The following ZRANB3 variants were observed in gnomAD, a reference collection of about 807,000 sequenced individuals.
ZRANB3 encodes the protein zinc finger RANBP2-type containing 3, also known as DNA annealing helicase and endonuclease ZRANB3.
In ZRANB3, 125 loss-of-function variants were observed where a neutral mutation model predicts 133.8. The ratio of observed to expected loss-of-function variants is 0.93; its 90% CI spans 0.81 to 1.08. The LOEUF is 1.08. ZRANB3 is among the 50% of genes least tolerant of loss of function. The pLI is 0.00. For synonymous variants in ZRANB3, 387 were observed against 432.7 expected (o/e 0.89, Z 1.31); for missense variants, 1,229 against 1,275.5 (o/e 0.96, Z 0.56).
At chr2:135,418,274 T>C (rs184844973) in intron 2 of ZRANB3, among the ~76,000 whole-genome samples, 10 of 152,324 alleles carry the variant, frequency 6.6e-5, no homozygotes, top group Admixed American at 5.9e-4. Flanking sequence ...GCAAATACTA[T>C]GCCATTTTAC....
chr2:135,234,919 G>A (rs1695216488), intron 12 of ZRANB3, among the ~76,000 whole-genome samples: 1 of 152,000 alleles, frequency 6.6e-6, no homozygotes, highest in African/African-American at 2.4e-5. Flanking sequence ...GCCAGCAGAA[G>A]GCAAGAAATA....
chr2:135,280,475 G>A (rs1263813964), intron 8 of ZRANB3, among the ~76,000 whole-genome samples: 1 of 152,100 alleles, frequency 6.6e-6, no homozygotes, highest in Non-Finnish European at 1.5e-5. Flanking sequence ...GCTGAGGCAG[G>A]AGAATCATTT....
chr2:135,261,264 T>C (rs927218300), intron 12 of ZRANB3, among the ~76,000 whole-genome samples: 4 of 152,160 alleles, frequency 2.6e-5, no homozygotes, highest in Non-Finnish European at 5.9e-5. Flanking sequence ...ATTCTGGCAA[T>C]GTTCAGAAGA....
chr2:135,333,117 C>T (rs1285949543), intron 6 of ZRANB3, among the ~76,000 whole-genome samples: 1 of 152,144 alleles, frequency 6.6e-6, no homozygotes, highest in Non-Finnish European at 1.5e-5. Context: ...TGTTAACAAT[C>T]CTACCACACT....
chr2:135,482,446 T>C (rs1162797000), intron 2 of ZRANB3, among the ~76,000 whole-genome samples: 2 of 149,380 alleles, frequency 1.3e-5, no homozygotes, highest in East Asian at 3.9e-4. Flanking sequence ...AGAATGCTTG[T>C]GATTTTTGTA....
At chr2:135,324,767 C>A (rs529754149) in intron 6 of ZRANB3, among the ~76,000 whole-genome samples, 1 of 152,054 alleles carries the variant, frequency 6.6e-6, no homozygotes, top group Non-Finnish European at 1.5e-5. Context: ...TTTTAATGAT[C>A]GCCATTCTAA....
intron 10 of ZRANB3, among the ~76,000 whole-genome samples, chr2:135,269,577 C>G (rs1680414195): frequency 6.6e-6 from 1 of 152,178 alleles, no homozygotes; most frequent in South Asian, 2.1e-4. Context: ...AACAACGTCT[C>G]TGGTTATACT....
chr2:135,486,252 C>T (rs1303684312), intron 2 of ZRANB3, among the ~76,000 whole-genome samples: 2 of 152,136 alleles, frequency 1.3e-5, no homozygotes, highest in African/African-American at 4.8e-5. Flanking sequence ...GAAATCAATA[C>T]TCTCCAACCT....
Position 135,198,000 on chromosome 2 carries a change from TCTTGCAGCTTCTC to T in ZRANB3, c.*2329_*2341del, listed in dbSNP as rs1235091613. On this transcript the variant is annotated 3_prime_UTR_variant, in exon 21 of 21. Coordinates refer to ENST00000264159, the MANE Select transcript of ZRANB3 (RefSeq NM_032143.4). The stretch of plus-strand genomic sequence containing the variant: ...TGTTGTTTTCTTAGCCTAAACTGTA[TCTTGCAGCTTCTC>T]TGAGTCTTTTCAGAGCCAGGCCTAT... 4.6e-5 allele frequency: 7 copies of T among 152,288 alleles called. No individual in the cohort carries two copies. The highest frequency in any genetic ancestry group is 1.7e-4 in the African/African-American group (7 of 41,436). 9.4% of individuals were successfully genotyped at this position (152,288 alleles called of 1,614,324 possible).
chr2:135,481,479 A>C (rs1270658441), intron 2 of ZRANB3, among the ~76,000 whole-genome samples: 2 of 151,882 alleles, frequency 1.3e-5, no homozygotes, highest in African/African-American at 4.8e-5. Context: ...TTTTTCTTGT[A>C]AATTTGTTTG....
At chr2:135,313,960 G>A (rs955240537) in intron 7 of ZRANB3, among the ~76,000 whole-genome samples, 49 of 152,298 alleles carry the variant, frequency 3.2e-4, no homozygotes, top group South Asian at 1.7e-3. Context: ...CGCCTCCCGG[G>A]TTCAAGCGAT....
intron 12 of ZRANB3, among the ~76,000 whole-genome samples, chr2:135,243,268 C>A (rs1049199871): frequency 3.3e-5 from 5 of 152,214 alleles, no homozygotes; most frequent in African/African-American, 1.2e-4. Flanking sequence ...GTAATCCCAG[C>A]ACTTTGGGAG....
intron 1 of ZRANB3, among the ~76,000 whole-genome samples, chr2:135,508,706 A>C (rs1394142090): frequency 6.6e-6 from 1 of 152,156 alleles, no homozygotes; most frequent in Non-Finnish European, 1.5e-5. Flanking sequence ...TGTTAATCCT[A>C]AAAATAATTT....
chr2:135,215,906 C>T (rs963758831), intron 17 of ZRANB3, among the ~76,000 whole-genome samples: 1 of 152,124 alleles, frequency 6.6e-6, no homozygotes, highest in African/African-American at 2.4e-5. Context: ...CTAGTCACAT[C>T]CCTTACTTGA....
chr2:135,394,003 G>A (rs1425118861), intron 2 of ZRANB3, among the ~76,000 whole-genome samples: 2 of 151,728 alleles, frequency 1.3e-5, no homozygotes, highest in South Asian at 2.1e-4. Flanking sequence ...GTAAACAGGC[G>A]CCCGCCACCA....
chr2:135,420,876 T>C (rs1435890838), intron 2 of ZRANB3, among the ~76,000 whole-genome samples: 1 of 152,196 alleles, frequency 6.6e-6, no homozygotes, highest in Non-Finnish European at 1.5e-5. Flanking sequence ...TTCAGTTCTA[T>C]GGGTCTTCAG....
At chr2:135,250,971 C>A (rs567588793) in intron 12 of ZRANB3, among the ~76,000 whole-genome samples, 10 of 152,300 alleles carry the variant, frequency 6.6e-5, no homozygotes, top group Middle Eastern at 3.4e-3. Flanking sequence ...CAGCCTGTAC[C>A]ATGCTCCTGG....
intron 2 of ZRANB3, among the ~76,000 whole-genome samples, chr2:135,405,815 A>G (rs1421299112): frequency 6.6e-6 from 1 of 152,226 alleles, no homozygotes; most frequent in Non-Finnish European, 1.5e-5. Context: ...GGACACATTC[A>G]AAGCAGTGTG....
intron 1 of ZRANB3, among the ~76,000 whole-genome samples, chr2:135,518,478 T>C (rs916340985): frequency 6.6e-6 from 1 of 152,180 alleles, no homozygotes; most frequent in African/African-American, 2.4e-5. Context: ...TCTCACGGCA[T>C]AGTCCCTCAC....
Sources: allele counts gnomAD v4.1 joint callset (sites outside exome capture counted in the v4.1 genomes callset), GRCh38; gene constraint gnomAD v4.1.1; transcripts MANE v1.5; gene names NCBI Gene and HGNC (gene_info 2026-07-23, HGNC 2026-07-21).